The following MAP7 variants were observed in gnomAD, a reference collection of about 807,000 sequenced individuals.
MAP7 encodes the protein ensconsin.
Under a neutral mutation model 94.8 loss-of-function variants are expected in MAP7, and 52 were observed. That is an observed-to-expected ratio of 0.55 (90% CI 0.44 to 0.69). The LOEUF (loss-of-function observed/expected upper bound fraction) is 0.69. Ranked by LOEUF, MAP7 falls within the 30% of genes least tolerant of loss-of-function variation. MAP7 has a pLI of 0.00. For synonymous variants in MAP7, 350 were observed against 357.0 expected, an observed-to-expected ratio of 0.98 and a Z score of 0.22; for missense variants, 940 against 964.6, an observed-to-expected ratio of 0.97 and a Z score of 0.34.
At chr6:136,352,052 T>C (rs1789374078) in intron 16 of MAP7, among the ~76,000 whole-genome samples, 1 of 152,162 alleles carries the variant, frequency 6.6e-6, no homozygotes, top group South Asian at 2.1e-4. Context: ...CAAGAAAACA[T>C]AGCAACTTCT....
rs745460628 is a variant in MAP7, at chr6:136,362,501, T to C, written c.1475A>G (p.Glu492Gly). 1.9e-6 allele frequency: 3 copies of C among 1,614,160 alleles called. No individual in the cohort carries two copies. The highest frequency in any genetic ancestry group is 1.7e-6 in the Non-Finnish European group (2 of 1,180,026). ...CTCCCTTTCTTCCTTTTCTCTCTGC[T>C]CTCGGGCCAGCCGCCTCTTCTCAGC... Reference protein sequence around the residue: ...LLAEKRRLAREQREKEERERR... With the variant: ...LLAEKRRLARGQREKEERERR... Residue 492 changes from glutamate to glycine, a missense_variant, in exon 11 of 18, where the codon GAG (glutamate) becomes GGG (glycine). Transcript: ENST00000354570.
chr6:136,505,523 C>T (rs1821267466), intron 1 of MAP7, among the ~76,000 whole-genome samples: 1 of 151,444 alleles, frequency 6.6e-6, no homozygotes, highest in Non-Finnish European at 1.5e-5. Flanking sequence ...AAAATATTTG[C>T]TATAGCTAGA....
intron 1 of MAP7, among the ~76,000 whole-genome samples, chr6:136,446,276 C>T (rs967259460): frequency 6.6e-6 from 1 of 151,154 alleles, no homozygotes. Context: ...TAGGGCGCAG[C>T]GTAGGAGAAG....
At chr6:136,346,660 A>AATC (rs1185418135) in intron 16 of MAP7, among the ~76,000 whole-genome samples, 2 of 152,086 alleles carry the variant, frequency 1.3e-5, no homozygotes, top group African/African-American at 4.8e-5. Flanking sequence ...AATAGAAATA[A>AATC]ATCATCATCA....
At chr6:136,534,486 T>A (rs1001058948) in intron 1 of MAP7, among the ~76,000 whole-genome samples, 2 of 152,238 alleles carry the variant, frequency 1.3e-5, no homozygotes, top group Non-Finnish European at 2.9e-5. Flanking sequence ...AGCTGACACT[T>A]AACCTATCAG....
In MAP7 at chr6:136,468,458, C is replaced by T. The variant is rs187331879; in HGVS notation, c.68-46659G>A. Among the ~76,000 whole-genome samples the T allele has an allele frequency of 3.2e-3, 492 of 152,262 alleles. 3 individuals are homozygous for T. The highest frequency in any genetic ancestry group is 0.011 in the African/African-American group (473 of 41,556). On this transcript the variant is annotated intron_variant, in intron 1 of 17. Coordinates refer to ENST00000354570, the MANE Select transcript of MAP7 (RefSeq NM_003980.6). Reference sequence around the variant, plus strand: ...TCATCCCGATACAGATGCTGCTCGACTTACAATGGGGTTATGTCCTGATAA... The same window carrying T: ...TCATCCCGATACAGATGCTGCTCGATTTACAATGGGGTTATGTCCTGATAA...
intron 1 of MAP7, among the ~76,000 whole-genome samples, chr6:136,525,415 T>C (rs533893007): frequency 5.9e-5 from 9 of 152,200 alleles, no homozygotes; most frequent in Non-Finnish European, 1.3e-4. Context: ...TAACTCATCC[T>C]TTAAAGCAGA....
Position 136,366,335 on chromosome 6 carries a change from G to C in MAP7, c.981C>G (p.Ser327=). Residue 327 remains serine (S), a synonymous_variant, in exon 9 of 18, where the codon TCC becomes TCG. Coordinates refer to ENST00000354570, the MANE Select transcript of MAP7 (RefSeq NM_003980.6). ...ACTTATATTTCACTTACCAAAGTCG[G>C]GAGCGAGCTGGTTGTCTTGCTTTGG... is the stretch of plus-strand genomic sequence containing the variant. The part of the protein sequence containing the change: ...SNPKARQPAR[S]RLWLPSKSLP... The C allele has an allele frequency of 6.2e-7, 1 of 1,613,806 alleles. No individual in the cohort carries two copies. The highest frequency in any genetic ancestry group is 8.5e-7 in the Non-Finnish European group (1 of 1,179,698).
intron 8 of MAP7, among the ~76,000 whole-genome samples, chr6:136,366,715 C>T (rs1794420604): frequency 6.6e-6 from 1 of 152,116 alleles, no homozygotes; most frequent in Admixed American, 6.5e-5. Context: ...TTAGAAAGCA[C>T]CTATACTTTG....
chr6:136,545,072 A>G (rs1177793371), intron 1 of MAP7: 2 of 152,182 alleles, frequency 1.3e-5, no homozygotes, highest in Non-Finnish European at 2.9e-5. Flanking sequence ...AGAACCTTAA[A>G]TTAATCGTCT....
intron 2 of MAP7, among the ~76,000 whole-genome samples, chr6:136,417,400 G>A (rs1460816116): frequency 1.3e-5 from 2 of 152,162 alleles, no homozygotes; most frequent in Admixed American, 6.5e-5. Flanking sequence ...ACACACATCT[G>A]AGAGTACGGT....
intron 5 of MAP7, among the ~76,000 whole-genome samples, chr6:136,385,137 T>C (rs952213266): frequency 4.6e-5 from 7 of 152,122 alleles, no homozygotes; most frequent in African/African-American, 1.7e-4. Flanking sequence ...TAAGAAAAAA[T>C]TGCTGCAAAC....
chr6:136,352,477 C>T (rs769954402), intron 16 of MAP7, among the ~76,000 whole-genome samples: 3 of 152,190 alleles, frequency 2.0e-5, no homozygotes, highest in Non-Finnish European at 4.4e-5. Flanking sequence ...TGAGCCACCA[C>T]ACCAGGCCCC....
chr6:136,381,877 TACACACACAC>T (rs1156527948), intron 6 of MAP7, among the ~76,000 whole-genome samples: 22 of 93,044 alleles, frequency 2.4e-4, no homozygotes, highest in Middle Eastern at 5.6e-3. Flanking sequence ...CTTCTAACCT[TACACACACAC>T]ACACACACAC....
In MAP7 at chr6:136,356,760, C is replaced by T. The variant is rs149970196; in HGVS notation, c.1947G>A (p.Pro649=). 1.8e-5 allele frequency: 29 copies of T among 1,613,952 alleles called. No individual in the cohort carries two copies. The East Asian group carries it at 2.5e-4, about 14-fold the overall frequency. The change falls in exon 16 of 18, where the codon CCG becomes CCA. Residue 649 remains proline, a synonymous_variant. Coordinates refer to ENST00000354570, the MANE Select transcript of MAP7 (RefSeq NM_003980.6). ...VSALPCTTNA[P]GNGKPVGSPH... The stretch of plus-strand genomic sequence containing the variant: ...GGCTGCCAACTGGCTTTCCATTTCC[C>T]GGAGCGTTTGTTGTACATGGAAGTG...
chr6:136,355,941 T>C (rs745898881), intron 16 of MAP7, among the ~76,000 whole-genome samples: 35 of 152,226 alleles, frequency 2.3e-4, no homozygotes, highest in Non-Finnish European at 4.6e-4. Context: ...AAATCCAGAC[T>C]GTTTTCTAGG....
chr6:136,509,518 G>A (rs1353875144), intron 1 of MAP7, among the ~76,000 whole-genome samples: 1 of 152,040 alleles, frequency 6.6e-6, no homozygotes, highest in African/African-American at 2.4e-5. Flanking sequence ...CTCCCAAAGT[G>A]CTAGGATTAC....
chr6:136,439,254 C>A (rs1055830038), intron 1 of MAP7, among the ~76,000 whole-genome samples: 1 of 152,074 alleles, frequency 6.6e-6, no homozygotes, highest in Admixed American at 6.6e-5. Context: ...AAAAAGGGCT[C>A]AAGGGTACTA....
chr6:136,462,375 C>A (rs1805534460), intron 1 of MAP7, among the ~76,000 whole-genome samples: 1 of 152,136 alleles, frequency 6.6e-6, no homozygotes, highest in Admixed American at 6.5e-5. Context: ...GTATTACCAA[C>A]TCAATGTCCT....
Sources: allele counts gnomAD v4.1 joint callset (sites outside exome capture counted in the v4.1 genomes callset), GRCh38; gene constraint gnomAD v4.1.1; transcripts MANE v1.5; gene names NCBI Gene and HGNC (gene_info 2026-07-23, HGNC 2026-07-21).